DAB2IP: variants seen among roughly 807,000 people sequenced by gnomAD.
DAB2IP encodes disabled homolog 2-interacting protein.
Under a neutral mutation model 107.2 loss-of-function variants are expected in DAB2IP, and 28 were observed. The ratio of observed to expected loss-of-function variants is 0.26; its 90% CI spans 0.19 to 0.36. The LOEUF is 0.36. Ranked by LOEUF, DAB2IP falls within the 10% of genes least tolerant of loss-of-function variation. The pLI is 1.00. For synonymous variants in DAB2IP, 755 were observed against 706.4 expected (o/e 1.07, Z -1.09); for missense variants, 1,400 against 1,644.7 (o/e 0.85, Z 2.57).
intron 1 of DAB2IP, among the ~76,000 whole-genome samples, chr9:121,585,628 A>G (rs1830296227): frequency 2.0e-5 from 3 of 152,176 alleles, no homozygotes; most frequent in African/African-American, 7.2e-5. Context: ...AGGCCAAGGC[A>G]GACAGATCGC....
intron 1 of DAB2IP, chr9:121,575,550 G>A (rs1830038167): frequency 6.6e-6 from 1 of 152,174 alleles, no homozygotes; most frequent in Non-Finnish European, 1.5e-5. Context: ...ACTCGCTTGA[G>A]TATCGGTCCT....
upstream of DAB2IP, among the ~76,000 whole-genome samples, chr9:121,650,338 G>A (rs983796130): frequency 1.3e-5 from 2 of 152,154 alleles, no homozygotes; most frequent in African/African-American, 2.4e-5. Flanking sequence ...GACAGGCTCC[G>A]CAGGACTAGG....
chr9:121,627,714 G>A (rs1423787640), intron 1 of DAB2IP, among the ~76,000 whole-genome samples: 3 of 152,262 alleles, frequency 2.0e-5, no homozygotes, highest in East Asian at 3.9e-4. Context: ...GCATTTGGAG[G>A]GCATTTTTCT....
intron 1 of DAB2IP, among the ~76,000 whole-genome samples, chr9:121,575,806 A>G (rs549582403): frequency 4.6e-5 from 7 of 152,126 alleles, no homozygotes; most frequent in Non-Finnish European, 8.8e-5. Context: ...CCAAAGCCAG[A>G]GCTGTGGTCC....
chr9:121,606,821 C>T (rs1385809107), intron 1 of DAB2IP, among the ~76,000 whole-genome samples: 3 of 151,540 alleles, frequency 2.0e-5, no homozygotes, highest in Admixed American at 6.6e-5. Flanking sequence ...GTTGCCCAGG[C>T]TGGAGTGCAG....
intron 1 of DAB2IP, among the ~76,000 whole-genome samples, chr9:121,615,894 G>C (rs1360658475): frequency 6.6e-6 from 1 of 152,164 alleles, no homozygotes; most frequent in Non-Finnish European, 1.5e-5. Flanking sequence ...CCAAAGTGCT[G>C]GGATTACAGG....
At chr9:121,621,211 G>A (rs1831452096) in intron 1 of DAB2IP, among the ~76,000 whole-genome samples, 1 of 152,150 alleles carries the variant, frequency 6.6e-6, no homozygotes, top group African/African-American at 2.4e-5. Flanking sequence ...GCAGCTTCCT[G>A]TTTTCTCCAT....
At position 121,698,150 on chromosome 9, in the gene DAB2IP, ATG is replaced by A. The variant is rs574490517; in HGVS notation, c.229-1173_229-1172del. 2.0e-5 allele frequency among the ~76,000 whole-genome samples: 3 copies of A among 152,174 alleles called. No homozygotes were observed. Among genetic ancestry groups the A allele is most frequent in the Non-Finnish European group, 4.4e-5 (3 of 68,028 alleles). On this transcript the variant is annotated intron_variant, in intron 2 of 15. Coordinates refer to ENST00000408936, the Ensembl canonical transcript of DAB2IP. The surrounding 1 kb of genome is among the most constrained non-coding windows in gnomAD (Gnocchi z 4.1). ...ATGGATGGAATGTGGTATTTGGATT[ATG>A]TACATTAACCTCAAATTAAATTAAT...
chr9:121,690,594 GA>G (rs1829113956), intron 2 of DAB2IP, among the ~76,000 whole-genome samples: 3 of 152,196 alleles, frequency 2.0e-5, no homozygotes, highest in Admixed American at 6.5e-5. Context: ...ATCCCAAGCT[GA>G]GACCTTGGGA....
In DAB2IP at chr9:121,758,750, T is replaced by A. The variant is rs983795390; in HGVS notation, c.517-148T>A. 4.6e-5 allele frequency: 31 copies of A among 671,774 alleles called. 1 individual carries two copies. The East Asian group carries it at 8.0e-4, about 17-fold the overall frequency. The allele number at this position is 671,774 out of a possible 1,614,324, so 41.6% of individuals were successfully genotyped here. On this transcript the variant is annotated intron_variant, in intron 4 of 15. Coordinates refer to ENST00000408936, the Ensembl canonical transcript of DAB2IP. The stretch of plus-strand genomic sequence containing the variant: ...ACCTGCAAAACATGAAGTAGAGGCG[T>A]CATATGAGCCTTGTCCTGGCTCCTT...
At chr9:121,600,663 T>A (rs1217441649) in intron 1 of DAB2IP, among the ~76,000 whole-genome samples, 1 of 152,154 alleles carries the variant, frequency 6.6e-6, no homozygotes, top group Admixed American at 6.5e-5. Context: ...CCTTTCCGTG[T>A]TTTACTGACC....
At chr9:121,743,885 G>A (rs950251852) in intron 3 of DAB2IP, among the ~76,000 whole-genome samples, 2 of 143,692 alleles carry the variant, frequency 1.4e-5, no homozygotes, top group Non-Finnish European at 3.0e-5. Flanking sequence ...GCCCCTCTAC[G>A]CAGACATCCA....
chr9:121,636,425 C>T (rs1832089863), intron 1 of DAB2IP, among the ~76,000 whole-genome samples: 1 of 152,234 alleles, frequency 6.6e-6, no homozygotes, highest in African/African-American at 2.4e-5. Flanking sequence ...GAAGCAGAAA[C>T]TTTCAGGAGC....
chr9:121,732,312 A>C (rs184206545), intron 3 of DAB2IP, among the ~76,000 whole-genome samples: 82 of 152,306 alleles, frequency 5.4e-4, no homozygotes, highest in Admixed American at 4.9e-3. Context: ...ACTCCCACTA[A>C]ATGTTTTGAT....
chr9:121,781,351 G>C lies in DAB2IP; in HGVS notation c.3315-113G>C, dbSNP rs930841376. 3.0e-6 allele frequency: 3 copies of C among 1,016,722 alleles called. No homozygotes were observed. In the African/African-American group the frequency reaches 4.8e-5, roughly 16 times the overall value. 63.0% of individuals were successfully genotyped at this position (1,016,722 alleles called of 1,614,324 possible). ...GGGAGGCAAGTCTCTGACCCAAGGA[G>C]GGGCTCTCCTAGTGTGTCCCTGCTG... On this transcript the variant is annotated intron_variant, in intron 14 of 15. Transcript: ENST00000408936.
intron 1 of DAB2IP, among the ~76,000 whole-genome samples, chr9:121,580,282 T>C (rs1830161678): frequency 6.6e-6 from 1 of 152,116 alleles, no homozygotes; most frequent in Non-Finnish European, 1.5e-5. Context: ...GTCTCTGCTT[T>C]AGGGAAGAGC....
At chr9:121,757,102 T>C in exon 4 of DAB2IP, 1 of 1,614,210 alleles carries the variant, frequency 6.2e-7, no homozygotes, top group East Asian at 2.2e-5. Flanking sequence ...GACCTCAGCA[T>C]GGAGGAAGAG....
rs1164977800 is a variant in DAB2IP, at chr9:121,776,395, G to T, written c.3314+4G>T. ...AGATGAAGGGCATCATCAGCAGGTG[G>T]GGCCCACACCTGCCTGGCCTGGCCA... On this transcript the variant is annotated splice_donor_region_variant and intron_variant, in intron 14 of 15. Transcript: ENST00000408936. The surrounding 1 kb of genome is among the most constrained non-coding windows in gnomAD (Gnocchi z 5.4). 2.6e-6 allele frequency: 4 copies of T among 1,533,976 alleles called. No homozygotes were observed. Among genetic ancestry groups the T allele is most frequent in the South Asian group, 1.2e-5 (1 of 80,988 alleles).
At chr9:121,611,193 C>T (rs746121831) in intron 1 of DAB2IP, among the ~76,000 whole-genome samples, 2 of 152,148 alleles carry the variant, frequency 1.3e-5, no homozygotes, top group African/African-American at 4.8e-5. Context: ...AGGCTGGTCT[C>T]GAACTCCTGA....
Sources: allele counts gnomAD v4.1 joint callset (sites outside exome capture counted in the v4.1 genomes callset), GRCh38; gene constraint gnomAD v4.1.1; non-coding constraint Gnocchi (gnomAD v3.1); transcripts MANE v1.5; gene names NCBI Gene and HGNC (gene_info 2026-07-23, HGNC 2026-07-21).